Variants in USP10 observed in about 807,000 individuals in gnomAD.
The protein encoded by USP10 is ubiquitin specific peptidase 10.
Under a neutral mutation model 84.5 loss-of-function variants are expected in USP10, and 22 were observed. The ratio of observed to expected loss-of-function variants is 0.26; its 90% confidence interval spans 0.19 to 0.37. The LOEUF is 0.37. USP10 is among the 10% of genes least tolerant of loss of function. USP10 has a pLI of 1.00. For synonymous variants in USP10, 454 were observed against 387.6 expected, an observed-to-expected ratio of 1.17 and a Z score of -2.01; for missense variants, 1,019 against 998.9, an observed-to-expected ratio of 1.02 and a Z score of -0.27.
intron 1 of USP10, among the ~76,000 whole-genome samples, chr16:84,726,199 T>C (rs1342058603): frequency 1.3e-5 from 2 of 152,246 alleles, no homozygotes; most frequent in Non-Finnish European, 2.9e-5. Flanking sequence ...TTCAGAATGC[T>C]GTGCTGCAGC....
At chr16:84,706,478 TTATATGTATTTATTTG>T (rs1341534182) in intron 1 of USP10, among the ~76,000 whole-genome samples, 1 of 148,336 alleles carries the variant, frequency 6.7e-6, no homozygotes, top group African/African-American at 2.4e-5. Context: ...ATATATATAT[TTATATGTATTTATTTG>T]TATATGTATT....
At chr16:84,764,788 C>T (rs555840745) in intron 10 of USP10, among the ~76,000 whole-genome samples, 3 of 151,252 alleles carry the variant, frequency 2.0e-5, no homozygotes, top group East Asian at 3.9e-4. Flanking sequence ...CCAGATAGCG[C>T]CATTGCACTC....
chr16:84,751,233 A>G (rs898760924), intron 4 of USP10, among the ~76,000 whole-genome samples: 6 of 152,222 alleles, frequency 3.9e-5, no homozygotes, highest in African/African-American at 9.6e-5. Context: ...GTAGTTGGCT[A>G]TACCATCTAG....
intron 2 of USP10, among the ~76,000 whole-genome samples, 189 bp downstream of exon 2, chr16:84,733,692 TATTAGGCTTTGAAAAGCA>T (rs1373201852): frequency 6.6e-6 from 1 of 152,226 alleles, no homozygotes; most frequent in Non-Finnish European, 1.5e-5. Flanking sequence ...GTATTTACTT[TATTAGGCTTTGAAAAGCA>T]AATAAAACAT....
chr16:84,740,367 A>G lies in USP10; in HGVS notation c.149A>G (p.Asp50Gly). The change falls in exon 3 of 14, where the codon GAT becomes GGT. Residue 50 changes from aspartate (D) to glycine (G), a missense_variant and splice_region_variant. Physicochemically the swap from Asp to Gly is moderately conservative, Grantham distance 94. Transcript: ENST00000219473. ...CGTQAVDKLPDGQEYQRIEFG... is the reference protein window; with the variant it reads ...CGTQAVDKLPGGQEYQRIEFG... ...ACACAGGCTGTGGATAAACTACCTG[A>G]TGGTAAGCTAGTTCTCTCCTTATTT... is the stretch of plus-strand genomic sequence containing the variant. The G allele has an allele frequency of 6.2e-7, 1 of 1,612,436 alleles. No homozygotes were observed. The highest frequency in any genetic ancestry group is 8.5e-7 in the Non-Finnish European group (1 of 1,178,842).
At chr16:84,711,176 T>C (rs1334994416) in intron 1 of USP10, among the ~76,000 whole-genome samples, 2 of 152,218 alleles carry the variant, frequency 1.3e-5, no homozygotes, top group Admixed American at 1.3e-4. Context: ...ATTATGCCTT[T>C]TAAGCAAGCA....
chr16:84,730,912 G>C (rs1909126766), intron 1 of USP10, among the ~76,000 whole-genome samples: 1 of 149,734 alleles, frequency 6.7e-6, no homozygotes, highest in Admixed American at 6.6e-5. Flanking sequence ...ACATTCTGAA[G>C]TAAAAGGCCT....
At chr16:84,725,125 G>A (rs757201950) in intron 1 of USP10, among the ~76,000 whole-genome samples, 10 of 152,106 alleles carry the variant, frequency 6.6e-5, no homozygotes, top group Non-Finnish European at 1.3e-4. Flanking sequence ...AGCTAACACC[G>A]TAGTCCATTT....
intron 1 of USP10, among the ~76,000 whole-genome samples, chr16:84,703,488 A>G (rs1465141712): frequency 1.3e-5 from 2 of 152,196 alleles, no homozygotes. Flanking sequence ...CCTCTAGCAT[A>G]TGGCTGAATG....
At chr16:84,742,767 C>T (rs1910774175) in intron 3 of USP10, among the ~76,000 whole-genome samples, 1 of 152,126 alleles carries the variant, frequency 6.6e-6, no homozygotes, top group South Asian at 2.1e-4. Context: ...ACTGTGCTGG[C>T]TAGGAATCTG....
intron 1 of USP10, among the ~76,000 whole-genome samples, chr16:84,705,594 CTT>C (rs1567584392): frequency 1.4e-5 from 2 of 145,556 alleles, no homozygotes; most frequent in East Asian, 4.2e-4. Flanking sequence ...CCCTTTCCCT[CTT>C]TCTTTCTTCC....
intron 13 of USP10, among the ~76,000 whole-genome samples, chr16:84,776,023 G>T (rs1002513026): frequency 6.6e-6 from 1 of 152,132 alleles, no homozygotes; most frequent in Non-Finnish European, 1.5e-5. Flanking sequence ...TGGTGAACCT[G>T]TTTGTATCGT....
chr16:84,742,970 C>T (rs1030830122), intron 3 of USP10, among the ~76,000 whole-genome samples: 2 of 152,150 alleles, frequency 1.3e-5, no homozygotes, highest in African/African-American at 2.4e-5. Context: ...TGACACAACA[C>T]GTTCTAGTTT....
intron 1 of USP10, among the ~76,000 whole-genome samples, chr16:84,729,565 C>G (rs1567607158): frequency 6.6e-6 from 1 of 152,196 alleles, no homozygotes; most frequent in Non-Finnish European, 1.5e-5. Context: ...GATGGAAATT[C>G]TAATCAAGTT....
At chr16:84,720,205 G>A (rs1477235198) in intron 1 of USP10, among the ~76,000 whole-genome samples, 1 of 152,094 alleles carries the variant, frequency 6.6e-6, no homozygotes, top group Non-Finnish European at 1.5e-5. Context: ...TTTTTTCATG[G>A]ATGTCCTTTA....
chr16:84,767,001 G>T (rs1474979900), intron 10 of USP10, among the ~76,000 whole-genome samples: 1 of 152,032 alleles, frequency 6.6e-6, no homozygotes, highest in African/African-American at 2.4e-5. Flanking sequence ...AATCAAGAGG[G>T]CTTCTTGATT....
At chr16:84,739,898 A>G (rs1454900554) in intron 2 of USP10, among the ~76,000 whole-genome samples, 1 of 152,166 alleles carries the variant, frequency 6.6e-6, no homozygotes, top group Non-Finnish European at 1.5e-5. Context: ...CAATGTAGTG[A>G]TCGTGAATAA....
chr16:84,764,173 A>G lies in USP10; in HGVS notation c.1742A>G (p.Glu581Gly). ...EQGEGSEDEW[E>G]QVGPRNKTSV... is the part of the protein sequence containing the mutation. ...GGTGAAGGAAGCGAGGATGAATGGGAACAAGTGGGCCCCCGGAACAAGACT... is the reference window on the plus strand; with the variant it reads ...GGTGAAGGAAGCGAGGATGAATGGGGACAAGTGGGCCCCCGGAACAAGACT... Residue 581 changes from glutamate to glycine, a missense_variant, in exon 10 of 14, where the codon GAA becomes GGA. Transcript: ENST00000219473. The G allele has an allele frequency of 1.2e-6, 2 of 1,614,006 alleles. No individual in the cohort carries two copies. The highest frequency in any genetic ancestry group is 1.7e-6 in the Non-Finnish European group (2 of 1,179,862).
At chr16:84,716,857 A>G (rs1379759786) in intron 1 of USP10, among the ~76,000 whole-genome samples, 1 of 152,228 alleles carries the variant, frequency 6.6e-6, no homozygotes, top group East Asian at 1.9e-4. Context: ...AGCATAATTC[A>G]TCATAATGAT....
Sources: allele counts gnomAD v4.1 joint callset (sites outside exome capture counted in the v4.1 genomes callset), GRCh38; gene constraint gnomAD v4.1.1; transcripts MANE v1.5; gene names NCBI Gene and HGNC (gene_info 2026-07-23, HGNC 2026-07-21).